The following MUC17 variants were observed in gnomAD, a reference collection of about 807,000 sequenced individuals.
The protein encoded by MUC17 is mucin 17, cell surface associated.
In MUC17, 190 loss-of-function variants were observed where a neutral mutation model predicts 170.3. The ratio of observed to expected loss-of-function variants is 1.12; its 90% CI spans 0.99 to 1.26. MUC17 has a LOEUF of 1.26. MUC17 is among the 50% of genes most tolerant of loss of function. MUC17 has a pLI of 0.00. For missense variants in MUC17, 6,415 were observed against 5,530.0 expected, an observed-to-expected ratio of 1.16 and a Z score of -5.08; for synonymous variants, 2,325 against 2,002.5, an observed-to-expected ratio of 1.16 and a Z score of -4.30.
At position 101,035,242 on chromosome 7, in the gene MUC17, G is replaced by A; in HGVS notation, c.3826G>A (p.Gly1276Arg). ...CTTGCCAACCTCAACTACTAGTGAA[G>A]GAAGTACTCTATTAACAAGTATACC... Reference protein sequence around the residue: ...TSLPTSTTSEGSTLLTSIPVS... With the variant: ...TSLPTSTTSERSTLLTSIPVS... The change falls in exon 3 of 13, where the codon GGA becomes AGA. Residue 1276 changes from glycine (G) to arginine (R), a missense_variant. Gly to Arg is a moderately radical substitution (Grantham distance 125, BLOSUM62 -2). Coordinates refer to ENST00000306151, the MANE Select transcript of MUC17 (RefSeq NM_001040105.2). 2.5e-6 allele frequency: 4 copies of A among 1,609,016 alleles called. No individual in the cohort carries two copies. Among genetic ancestry groups the A allele is most frequent in the Non-Finnish European group, 3.4e-6 (4 of 1,176,674 alleles).
At position 101,037,511 on chromosome 7, in the gene MUC17, C is replaced by A. The variant is rs1794527053; in HGVS notation, c.6095C>A (p.Thr2032Asn). ...TCATCTCCTACAACTGCAGGAGGTA[C>A]CAGCATACAAACCTCAACTCCTAGT... The part of the protein sequence containing the change: ...GSSSPTTAGG[T>N]SIQTSTPSER... The change falls in exon 3 of 13, where the codon ACC becomes AAC. Residue 2032 changes from threonine (T) to asparagine (N), a missense_variant. Thr to Asn is a moderately conservative substitution (Grantham distance 65, BLOSUM62 0). Transcript: ENST00000306151. 6.2e-7 allele frequency: 1 copy of A among 1,613,628 alleles called. No individual in the cohort carries two copies. The highest frequency in any genetic ancestry group is 8.5e-7 in the Non-Finnish European group (1 of 1,179,792).
chr7:101,030,202 A>G (rs564578162), intron 1 of MUC17, among the ~76,000 whole-genome samples: 123 of 150,026 alleles, frequency 8.2e-4, no homozygotes, highest in African/African-American at 2.9e-3. Context: ...ACTCACTTAT[A>G]TATTTCAAAT....
In MUC17 at chr7:101,050,640, A is replaced by T; in HGVS notation, c.12874+5A>T. The T allele has an allele frequency of 6.2e-7, 1 of 1,612,810 alleles. No individual in the cohort carries two copies. Among genetic ancestry groups the T allele is most frequent in the Non-Finnish European group, 8.5e-7 (1 of 1,179,290 alleles). ...TGATTAATGATATTTGCTCAGGTGA[A>T]CTCTGGGCTTCCAGGGAGGGAAGGG... On this transcript the variant is annotated splice_donor_5th_base_variant and intron_variant, in intron 7 of 12. Coordinates refer to ENST00000306151, the MANE Select transcript of MUC17 (RefSeq NM_001040105.2).
chr7:101,049,299 G>A (rs1237874470), intron 5 of MUC17, 25 bp from the exon 6 acceptor site: 1 of 1,614,056 alleles, frequency 6.2e-7, no homozygotes, highest in Admixed American at 1.7e-5. Flanking sequence ...CCTCTGGGAT[G>A]ACACAGTGGC....
In MUC17 at chr7:101,041,018, C is replaced by T. The variant is rs544551609; in HGVS notation, c.9602C>T (p.Ala3201Val). 4 of 1,613,690 alleles carry T rather than the reference C, an allele frequency of 2.5e-6. No homozygotes were observed. Among genetic ancestry groups the T allele is most frequent in the Admixed American group, 3.3e-5 (2 of 59,976 alleles). ...TSTPVTTSTE[A>V]TSSTTAEGTS... ...ACACCTGTGACCACTTCTACTGAAG[C>T]CACTTCATCTACAACTGCTGAAGGT... Residue 3201 changes from alanine to valine, a missense_variant, in exon 3 of 13, where the codon GCC (alanine) becomes GTC (valine). Ala to Val is a moderately conservative substitution (Grantham distance 64). Coordinates refer to ENST00000306151, the MANE Select transcript of MUC17 (RefSeq NM_001040105.2).
At position 101,053,099 on chromosome 7, in the gene MUC17, T is replaced by C. The variant is rs1386770640; in HGVS notation, c.13217T>C (p.Leu4406Pro). 6.2e-7 allele frequency: 1 copy of C among 1,614,036 alleles called. No individual in the cohort carries two copies. The highest frequency in any genetic ancestry group is 8.5e-7 in the Non-Finnish European group (1 of 1,180,026). Residue 4406 changes from leucine to proline, a missense_variant, in exon 10 of 13, where the codon CTG becomes CCG. Physicochemically the swap from Leu to Pro is moderately conservative, Grantham distance 98. Transcript: ENST00000306151. ...GAGVVLMLII[L>P]VALLMLVFRS... ...GGGGTCGTGCTGATGCTGATCATCCTGGTAGCTCTCCTGATGCTCGTTTTC... is the reference window on the plus strand; with the variant it reads ...GGGGTCGTGCTGATGCTGATCATCCCGGTAGCTCTCCTGATGCTCGTTTTC...
intron 7 of MUC17, 72 bp downstream of exon 7, chr7:101,050,707 G>A: frequency 6.5e-7 from 1 of 1,544,556 alleles, no homozygotes. Flanking sequence ...TAATAGACAG[G>A]AGGGCGGGAG....
rs770294093 is a variant in MUC17, at chr7:101,042,292, C to G, written c.10876C>G (p.Pro3626Ala). Residue 3626 changes from proline (P) to alanine (A), a missense_variant, in exon 3 of 13, where the codon CCA becomes GCA. Coordinates refer to ENST00000306151, the MANE Select transcript of MUC17 (RefSeq NM_001040105.2). ...TPTPPEVITL[P>A]MSTPSEVSTP... The stretch of plus-strand genomic sequence containing the variant: ...TACACCTCCTGAAGTTATCACCCTG[C>G]CAATGTCAACTCCTAGTGAAGTAAG... The G allele has an allele frequency of 2.5e-6, 4 of 1,613,676 alleles. No homozygotes were observed. In the African/African-American group the frequency reaches 5.4e-5, roughly 22 times the overall value.
chr7:101,048,829 A>C lies in MUC17; in HGVS notation c.12536-16A>C. 1 of 1,613,794 alleles carries C rather than the reference A, an allele frequency of 6.2e-7. No homozygotes were observed. The highest frequency in any genetic ancestry group is 1.7e-5 in the Admixed American group (1 of 60,006). ...AAACTCAGAGATGCTTTGCTCAGTA[A>C]GTCTACCCGCCTCAGGGCCACCGGA... On this transcript the variant is annotated splice_polypyrimidine_tract_variant and intron_variant, in intron 4 of 12. Transcript: ENST00000306151.
At position 101,050,571 on chromosome 7, in the gene MUC17, A is replaced by G; in HGVS notation, c.12810A>G (p.Glu4270=). 1 of 1,614,238 alleles carries G rather than the reference A, an allele frequency of 6.2e-7. No homozygotes were observed. Among genetic ancestry groups the G allele is most frequent in the Non-Finnish European group, 8.5e-7 (1 of 1,180,018 alleles). Residue 4270 remains glutamate, a synonymous_variant, in exon 7 of 13, where the codon GAA becomes GAG. Transcript: ENST00000306151. The part of the protein sequence containing the change: ...EYKTVLDNAT[E]VVKEKITKVT... ...AGACAGTATTGGACAATGCCACCGA[A>G]GTAGTGAAAGAGAAAATCACAAAAG...
rs1166787704 is a variant in MUC17 at position 101,041,532 on chromosome 7, C to T, written c.10116C>T (p.Thr3372=). ...TTPVDTSTPV[T]TSTEASLSPT... ...CTGTTGACACCAGCACACCTGTCAC[C>T]ACTTCTACTGAAGCCAGTTTATCTC... is the stretch of plus-strand genomic sequence containing the variant. Residue 3372 remains threonine, a synonymous_variant, in exon 3 of 13, where the codon ACC becomes ACT. Transcript: ENST00000306151. 5.0e-6 allele frequency: 8 copies of T among 1,613,534 alleles called. No individual in the cohort carries two copies. The African/African-American group carries it at 1.1e-4, about 22-fold the overall frequency.
At position 101,042,395 on chromosome 7, in the gene MUC17, T is replaced by C. The variant is rs762427496; in HGVS notation, c.10979T>C (p.Val3660Ala). The C allele has an allele frequency of 3.7e-6, 6 of 1,614,088 alleles. No individual in the cohort carries two copies. The highest frequency in any genetic ancestry group is 5.1e-6 in the Non-Finnish European group (6 of 1,179,964). The change falls in exon 3 of 13, where the codon GTT (valine) becomes GCT (alanine). Residue 3660 changes from valine to alanine, a missense_variant. By Grantham distance (64) the Val-to-Ala change is moderately conservative. Coordinates refer to ENST00000306151, the MANE Select transcript of MUC17 (RefSeq NM_001040105.2). ...SEAGTASTLP[V>A]DTSTPVITST... ...GCTGGCACAGCTTCAACACTTCCTG[T>C]TGACACCAGCACACCTGTGATCACT...
chr7:101,056,517 T>A lies in MUC17; in HGVS notation c.13440+247T>A, dbSNP rs111819840. On this transcript the variant is annotated intron_variant, in intron 12 of 12. Transcript: ENST00000306151. Reference sequence around the variant, plus strand: ...CAGGTTCGGAGGTTTCCTTCCCTACTCTAAGTACATCCTTGATGGCCAACT... The same window carrying A: ...CAGGTTCGGAGGTTTCCTTCCCTACACTAAGTACATCCTTGATGGCCAACT... Among the ~76,000 whole-genome samples the A allele has an allele frequency of 1.2e-3, 185 of 152,320 alleles. 1 individual carries two copies. Among genetic ancestry groups the A allele is most frequent in the Non-Finnish European group, 1.7e-3 (116 of 68,028 alleles).
At chr7:101,020,988 C>T (rs1794066446) in intron 1 of MUC17, among the ~76,000 whole-genome samples, 1 of 152,168 alleles carries the variant, frequency 6.6e-6, no homozygotes. Context: ...GACCCATAGA[C>T]CTCAGGGTCC....
At chr7:101,023,513 A>G (rs1013330069) in intron 1 of MUC17, among the ~76,000 whole-genome samples, 1 of 152,126 alleles carries the variant, frequency 6.6e-6, no homozygotes, top group African/African-American at 2.4e-5. Flanking sequence ...CAGCCTCCTG[A>G]GTAGCTGGGA....
At position 101,033,254 on chromosome 7, in the gene MUC17, C is replaced by G; in HGVS notation, c.1838C>G (p.Thr613Ser). Residue 613 changes from threonine (T) to serine (S), a missense_variant, in exon 3 of 13, where the codon ACT becomes AGT. Coordinates refer to ENST00000306151, the MANE Select transcript of MUC17 (RefSeq NM_001040105.2). The part of the protein sequence containing the change: ...TSSEASSSST[T>S]AEGTSMPTST... ...AGTGAAGCTAGTTCATCTTCTACAA[C>G]TGCTGAAGGTACCAGCATGCCAACC... 2 of 1,614,196 alleles carry G rather than the reference C, an allele frequency of 1.2e-6. No homozygotes were observed. Among genetic ancestry groups the G allele is most frequent in the Non-Finnish European group, 1.7e-6 (2 of 1,180,040 alleles).
At position 101,038,771 on chromosome 7, in the gene MUC17, G is replaced by T. The variant is rs779639714; in HGVS notation, c.7355G>T (p.Ser2452Ile). Residue 2452 changes from serine to isoleucine, a missense_variant, in exon 3 of 13, where the codon AGT becomes ATT. Ser to Ile is a moderately radical substitution (Grantham distance 142, BLOSUM62 -2). Coordinates refer to ENST00000306151, the MANE Select transcript of MUC17 (RefSeq NM_001040105.2). ...ACCAGCATACCAACCTCACCTCCTAGTGAAGGAACCACTCCGTTAGCAAGT... is the reference window on the plus strand; with the variant it reads ...ACCAGCATACCAACCTCACCTCCTATTGAAGGAACCACTCCGTTAGCAAGT... ...EGTSIPTSPPSEGTTPLASMP... is the reference protein window; with the variant it reads ...EGTSIPTSPPIEGTTPLASMP... 2 of 1,612,750 alleles carry T rather than the reference G, an allele frequency of 1.2e-6. No homozygotes were observed. Among genetic ancestry groups the T allele is most frequent in the Non-Finnish European group, 1.7e-6 (2 of 1,179,202 alleles).
At chr7:101,030,754 G>A (rs1352216987) in intron 1 of MUC17, among the ~76,000 whole-genome samples, 1 of 152,062 alleles carries the variant, frequency 6.6e-6, no homozygotes, top group South Asian at 2.1e-4. Context: ...AAATTTTGTA[G>A]AGACAGGGTC....
In MUC17 at chr7:101,032,576, C is replaced by A. The variant is rs1460038597; in HGVS notation, c.1160C>A (p.Thr387Asn). 26 of 1,614,032 alleles carry A rather than the reference C, an allele frequency of 1.6e-5. No homozygotes were observed. Among genetic ancestry groups the A allele is most frequent in the Non-Finnish European group, 2.1e-5 (25 of 1,180,030 alleles). The change falls in exon 3 of 13, where the codon ACT becomes AAT. Residue 387 changes from threonine (T) to asparagine (N), a missense_variant. By Grantham distance (65) the Thr-to-Asn change is moderately conservative (BLOSUM62 0). Coordinates refer to ENST00000306151, the MANE Select transcript of MUC17 (RefSeq NM_001040105.2). ...TAEATSMLTS[T>N]LSEGSTPLTN... The stretch of plus-strand genomic sequence containing the variant: ...GAAGCTACCAGCATGCTAACCTCAA[C>A]TCTTAGTGAAGGAAGCACTCCATTA...
Sources: allele counts gnomAD v4.1 joint callset (sites outside exome capture counted in the v4.1 genomes callset), GRCh38; gene constraint gnomAD v4.1.1; transcripts MANE v1.5; gene names NCBI Gene and HGNC (gene_info 2026-07-23, HGNC 2026-07-21).